Variants in FABP6 observed in about 807,000 individuals in gnomAD.
FABP6 encodes the protein fatty acid binding protein 6.
FABP6 carries 13 observed loss-of-function variants against 14.9 expected under a neutral mutation model. The observed-to-expected ratio is 0.87, with a 90% CI of 0.57 to 1.39. The LOEUF (loss-of-function observed/expected upper bound fraction) is 1.39. FABP6 is among the 40% of genes most tolerant of loss of function. The pLI is 0.00. For synonymous variants in FABP6, 75 were observed against 63.6 expected (o/e 1.18, Z -0.85); for missense variants, 161 against 167.2 (o/e 0.96, Z 0.20).
intron 3 of FABP6, among the ~76,000 whole-genome samples, chr5:160,218,521 C>T (rs1760064808): frequency 1.5e-5 from 2 of 130,712 alleles, no homozygotes; most frequent in African/African-American, 2.9e-5. Context: ...AGTGCAAAGG[C>T]GCGATCTCAG....
upstream of FABP6, chr5:160,228,368 G>A: frequency 2.2e-6 from 1 of 453,110 alleles, no homozygotes; most frequent in Non-Finnish European, 4.4e-6. Context: ...TCCAGCCTGG[G>A]AAACAAGAGT....
At chr5:160,206,920 A>G (rs1347005007) in intron 2 of FABP6, among the ~76,000 whole-genome samples, 4 of 152,184 alleles carry the variant, frequency 2.6e-5, no homozygotes. Flanking sequence ...TTCAAAGGCG[A>G]AAAAAACCTT....
At chr5:160,207,292 G>A (rs1759788318) in intron 2 of FABP6, among the ~76,000 whole-genome samples, 1 of 152,190 alleles carries the variant, frequency 6.6e-6, no homozygotes, top group African/African-American at 2.4e-5. Flanking sequence ...TTGCTCCCAG[G>A]CCTGCATCTT....
At chr5:160,191,589 TTCTG>T (rs1384455305) in intron 1 of FABP6, among the ~76,000 whole-genome samples, 1 of 146,520 alleles carries the variant, frequency 6.8e-6, no homozygotes, top group East Asian at 1.9e-4. Flanking sequence ...ATGGCTTTCT[TTCTG>T]TTTCTCTTTT....
chr5:160,221,470 G>T (rs79901021), intron 3 of FABP6, among the ~76,000 whole-genome samples: 2,703 of 152,238 alleles, frequency 0.018, 85 homozygotes, highest in African/African-American at 0.061. Context: ...CCTCCAAGAC[G>T]AGAGACCCCA....
rs541305222 is a variant in FABP6, at chr5:160,231,084, C to T, written c.68-1014C>T. Among the ~76,000 whole-genome samples, 8 of 152,286 alleles carry T rather than the reference C, an allele frequency of 5.3e-5. 1 individual carries two copies. Among genetic ancestry groups the T allele is most frequent in the Admixed American group, 2.0e-4 (3 of 15,300 alleles). On this transcript the variant is annotated intron_variant, in intron 1 of 3. Transcript: ENST00000402432. ...GTTCAGAGGACAGCTCAAGGGGACC[C>T]GTGCCCTCCCTCTTGGTGGCCACTT...
At position 160,229,562 on chromosome 5, in the gene FABP6, C is replaced by T. The variant is rs763829316; in HGVS notation, c.5C>T (p.Ala2Val). The change falls in exon 1 of 4, where the codon GCT becomes GTT. Residue 2 changes from alanine to valine, a missense_variant. Physicochemically the swap from Ala to Val is moderately conservative, Grantham distance 64 (BLOSUM62 0). Transcript: ENST00000402432. Reference sequence around the variant, plus strand: ...GGCCTCCAGCCTCCCAGCAGCATGGCTTTCACCGGCAAGTTCGAGATGGAG... The same window carrying T: ...GGCCTCCAGCCTCCCAGCAGCATGGTTTTCACCGGCAAGTTCGAGATGGAG... Reference protein sequence around the residue: MAFTGKFEMESE... With the variant: MVFTGKFEMESE... 164 of 1,613,946 alleles carry T rather than the reference C, an allele frequency of 1.0e-4. No homozygotes were observed. The highest frequency in any genetic ancestry group is 1.3e-4 in the Non-Finnish European group (153 of 1,179,952).
chr5:160,191,502 C>T (rs1294670544), intron 1 of FABP6, among the ~76,000 whole-genome samples: 1 of 151,946 alleles, frequency 6.6e-6, no homozygotes, highest in Admixed American at 6.6e-5. Flanking sequence ...CTTACTAGGG[C>T]TCTGTGCCAC....
intron 3 of FABP6, among the ~76,000 whole-genome samples, chr5:160,216,008 G>A (rs1324212591): frequency 6.6e-6 from 1 of 152,174 alleles, no homozygotes; most frequent in Non-Finnish European, 1.5e-5. Context: ...GATGGGGCCT[G>A]GGAAGCCAAT....
chr5:160,230,040 A>ATTT lies in FABP6; in HGVS notation c.67+426_67+428dup, dbSNP rs11405855. On this transcript the variant is annotated intron_variant, in intron 1 of 3. Coordinates refer to ENST00000402432, the MANE Select transcript of FABP6 (RefSeq NM_001445.3). ...AGGTGTGCACCACCACGCCCGGCTAATTTTTTTTTTTTGTATTTTTTTAGT... is the reference window on the plus strand; with the variant it reads ...AGGTGTGCACCACCACGCCCGGCTAATTTTTTTTTTTTTTTGTATTTTTTTAGT... Among the ~76,000 whole-genome samples, 188 of 144,500 alleles carry ATTT rather than the reference A, an allele frequency of 1.3e-3. 2 individuals carry two copies. Among genetic ancestry groups the ATTT allele is most frequent in the Middle Eastern group, 0.01 (3 of 290 alleles). 94.8% of individuals were successfully genotyped at this position (144,500 alleles called of 152,430 possible).
intron 2 of FABP6, among the ~76,000 whole-genome samples, chr5:160,207,809 C>T (rs547776645): frequency 6.6e-6 from 1 of 151,502 alleles, no homozygotes; most frequent in African/African-American, 2.4e-5. Flanking sequence ...CTGCAACCTC[C>T]GCCTCCCGGG....
chr5:160,218,680 A>G (rs1760068829), intron 3 of FABP6, among the ~76,000 whole-genome samples: 1 of 151,486 alleles, frequency 6.6e-6, no homozygotes, highest in South Asian at 2.1e-4. Flanking sequence ...AGGGTGGTCT[A>G]GAACTCTTGA....
chr5:160,217,279 A>T (rs1760032220), intron 3 of FABP6, among the ~76,000 whole-genome samples: 2 of 152,208 alleles, frequency 1.3e-5, no homozygotes, highest in South Asian at 4.1e-4. Context: ...AGTTGGATAT[A>T]CTAAGTTCAG....
At chr5:160,213,781 G>C in exon 3 of FABP6, 1 of 1,613,890 alleles carries the variant, frequency 6.2e-7, no homozygotes, top group Non-Finnish European at 8.5e-7. Context: ...GAGCCGGAAA[G>C]GAGACCTGCA....
At chr5:160,226,493 G>C (rs936407581), upstream of FABP6, among the ~76,000 whole-genome samples, 2 of 150,958 alleles carry the variant, frequency 1.3e-5, no homozygotes, top group African/African-American at 4.9e-5. Flanking sequence ...CCTGGGAGGC[G>C]GAGGTTGCAG....
intron 3 of FABP6, among the ~76,000 whole-genome samples, chr5:160,219,080 G>A (rs547304231): frequency 5.3e-5 from 8 of 152,262 alleles, no homozygotes; most frequent in African/African-American, 1.9e-4. Flanking sequence ...TCTAGGGATC[G>A]ATGCCAACTA....
At chr5:160,213,524 T>C (rs943462657) in intron 2 of FABP6, among the ~76,000 whole-genome samples, 1 of 152,230 alleles carries the variant, frequency 6.6e-6, no homozygotes, top group African/African-American at 2.4e-5. Context: ...CTGTTTGTCC[T>C]GTCCTGTCTC....
intron 3 of FABP6, among the ~76,000 whole-genome samples, chr5:160,214,286 C>G (rs761247029): frequency 6.6e-6 from 1 of 152,084 alleles, no homozygotes; most frequent in Non-Finnish European, 1.5e-5. Context: ...GCCTCAGCCT[C>G]CCTATTAGCT....
upstream of FABP6, among the ~76,000 whole-genome samples, chr5:160,227,842 GTGTGTGTGTC>G (rs1310249305): frequency 6.7e-6 from 1 of 149,096 alleles, no homozygotes; most frequent in African/African-American, 2.5e-5. Flanking sequence ...GTGTGTGTGT[GTGTGTGTGTC>G]TGTCTGTCTG....
Sources: allele counts gnomAD v4.1 joint callset (sites outside exome capture counted in the v4.1 genomes callset), GRCh38; gene constraint gnomAD v4.1.1; transcripts MANE v1.5; gene names NCBI Gene and HGNC (gene_info 2026-07-23, HGNC 2026-07-21).